Variants in ANKDD1B observed in about 807,000 individuals in gnomAD.
The protein encoded by ANKDD1B is ankyrin repeat and death domain-containing protein 1B.
ANKDD1B carries 57 observed loss-of-function variants against 59.7 expected under a neutral mutation model. The observed-to-expected ratio is 0.95, with a 90% CI of 0.77 to 1.19. The LOEUF (loss-of-function observed/expected upper bound fraction) is 1.19, where lower values mean the gene tolerates loss of function less well. Among genes scored for constraint, ANKDD1B ranks in the 50% most tolerant of loss-of-function variants. The probability of loss-of-function intolerance (pLI) is 0.00; values close to 1 mark genes in which losing one functional copy is unlikely to be tolerated. For missense variants in ANKDD1B, 602 were observed against 641.9 expected, an observed-to-expected ratio of 0.94 and a Z score of 0.67; for synonymous variants, 216 against 239.5, an observed-to-expected ratio of 0.90 and a Z score of 0.91.
chr5:75,669,353 C>G lies in ANKDD1B; in HGVS notation c.1495C>G (p.Leu499Val). 1 of 1,232,112 alleles carries G rather than the reference C, an allele frequency of 8.1e-7. No homozygotes were observed. Among genetic ancestry groups the G allele is most frequent in the Non-Finnish European group, 1.0e-6 (1 of 987,922 alleles). The allele number at this position is 1,232,112 out of a possible 1,614,324, so 76.3% of individuals were successfully genotyped here. ...CCCGGCCAAGCAACTGTATGAAGAG[C>G]TGGTACACGCAGGTTTCCCAAAACT... ...GDPAKQLYEE[L>V]VHAGFPKLAE... The change falls in exon 13 of 14, where the codon CTG becomes GTG. Residue 499 changes from leucine (L) to valine (V), a missense_variant. By Grantham distance (32) the Leu-to-Val change is conservative (BLOSUM62 1). Coordinates refer to ENST00000601380, the MANE Select transcript of ANKDD1B (RefSeq NM_001276713.2).
At chr5:75,670,079 T>A (rs906615204) in intron 13 of ANKDD1B, among the ~76,000 whole-genome samples, 4 of 152,168 alleles carry the variant, frequency 2.6e-5, no homozygotes, top group African/African-American at 7.2e-5. Context: ...CAGTAGTAGG[T>A]ACAAGGAACA....
intron 6 of ANKDD1B, 97 bp downstream of exon 6, chr5:75,635,093 G>T: frequency 2.6e-6 from 2 of 765,508 alleles, no homozygotes; most frequent in South Asian, 3.4e-5. Context: ...TGGTGAGGGC[G>T]TTTTAGTCAG....
At chr5:75,627,791 G>A (rs1273462670) in intron 5 of ANKDD1B, among the ~76,000 whole-genome samples, 1 of 152,206 alleles carries the variant, frequency 6.6e-6, no homozygotes, top group African/African-American at 2.4e-5. Context: ...GGAAGGATCA[G>A]GCAGGCTGAT....
intron 6 of ANKDD1B, chr5:75,635,227 T>C (rs1581139135): frequency 2.5e-6 from 1 of 393,666 alleles, no homozygotes; most frequent in East Asian, 4.2e-5. Flanking sequence ...GTGAAGTCGA[T>C]AGACCACATG....
At chr5:75,629,186 A>C (rs923269989) in intron 5 of ANKDD1B, among the ~76,000 whole-genome samples, 9 of 152,028 alleles carry the variant, frequency 5.9e-5, no homozygotes, top group Non-Finnish European at 1.2e-4. Flanking sequence ...CATCAAATCT[A>C]TTGTTTCCCA....
chr5:75,642,297 G>A (rs1050759880), intron 7 of ANKDD1B, among the ~76,000 whole-genome samples: 9 of 152,134 alleles, frequency 5.9e-5, no homozygotes, highest in Middle Eastern at 3.4e-3. Flanking sequence ...CGTGAGCGAC[G>A]CAGAAGACAG....
Position 75,635,818 on chromosome 5 carries a change from A to G in ANKDD1B, c.734A>G (p.His245Arg), listed in dbSNP as rs16872675. The change falls in exon 7 of 14, where the codon CAT (histidine) becomes CGT (arginine). Residue 245 changes from histidine to arginine, a missense_variant. His to Arg is a conservative substitution (Grantham distance 29). This residue lies in a region of ANKDD1B where 317 missense variants were observed against 304.6 expected (regional missense o/e 1.04). Coordinates refer to ENST00000601380, the MANE Select transcript of ANKDD1B (RefSeq NM_001276713.2). ...ACTGCCTTGCACCTCGCTGCGAAGC[A>G]TGGTCACAGTCCTGCAGTGCAGGTG... ...GNTALHLAAK[H>R]GHSPAVQVLL... The G allele has an allele frequency of 5.7e-3, 8,669 of 1,533,576 alleles. 357 individuals are homozygous for G. In the African/African-American group the frequency reaches 0.096, roughly 17 times the overall value. 95.0% of individuals were successfully genotyped at this position (1,533,576 alleles called of 1,614,324 possible). A position where few individuals can be genotyped will look rare whatever the true frequency, so the allele number is the denominator to read the frequency against.
chr5:75,654,428 G>A (rs1291037656), intron 8 of ANKDD1B, among the ~76,000 whole-genome samples: 4 of 152,192 alleles, frequency 2.6e-5, no homozygotes, highest in Non-Finnish European at 4.4e-5. Context: ...GGTTATTGAC[G>A]TGATTTTTGA....
intron 10 of ANKDD1B, 67 bp downstream of exon 10, chr5:75,659,448 C>A: frequency 9.1e-7 from 1 of 1,104,762 alleles, no homozygotes; most frequent in Non-Finnish European, 1.3e-6. Flanking sequence ...GGATGTCAGC[C>A]TTGAGCAGCG....
rs1489 is a variant in ANKDD1B, at chr5:75,611,509, C to T, written c.-126C>T. The T allele has an allele frequency of 0.031, 21,971 of 704,322 alleles. 789 individuals carry two copies. The highest frequency in any genetic ancestry group is 0.15 in the African/African-American group (7,854 of 54,128). The allele number at this position is 704,322 out of a possible 1,614,324, so 43.6% of individuals were successfully genotyped here. Reference sequence around the variant, plus strand: ...GACTCGATCCTGCGCTCCGGCCGGGCTGACCTGCCTGCGTCCAGCCCCCGC... The same window carrying T: ...GACTCGATCCTGCGCTCCGGCCGGGTTGACCTGCCTGCGTCCAGCCCCCGC... On this transcript the variant is annotated 5_prime_UTR_variant, in exon 1 of 14. Transcript: ENST00000601380.
chr5:75,632,106 C>CA (rs529570814), intron 5 of ANKDD1B, among the ~76,000 whole-genome samples: 6,037 of 76,630 alleles, frequency 0.079, 168 homozygotes, highest in Non-Finnish European at 0.11. Context: ...AACTCTGTCT[C>CA]AAAAAAAAAA....
chr5:75,656,154 G>A (rs749445368), intron 9 of ANKDD1B, 27 bp downstream of exon 9: 83 of 1,172,406 alleles, frequency 7.1e-5, no homozygotes, highest in Middle Eastern at 1.9e-4. Flanking sequence ...AGAGCCTGGA[G>A]GGTCTCTTTT....
chr5:75,661,425 A>G (rs63700463), intron 10 of ANKDD1B, among the ~76,000 whole-genome samples: 1 of 126,060 alleles, frequency 7.9e-6, no homozygotes, highest in African/African-American at 2.9e-5. Context: ...AAAAAAAAAA[A>G]GTAACACAGG....
chr5:75,667,746 A>G (rs1310901848), intron 12 of ANKDD1B, among the ~76,000 whole-genome samples: 3 of 152,190 alleles, frequency 2.0e-5, no homozygotes, highest in Non-Finnish European at 2.9e-5. Context: ...TTCTTGGCAA[A>G]GTTTTCTATT....
chr5:75,614,564 T>C (rs1429814390), intron 1 of ANKDD1B, among the ~76,000 whole-genome samples: 1 of 152,198 alleles, frequency 6.6e-6, no homozygotes, highest in Non-Finnish European at 1.5e-5. Flanking sequence ...TACCACCATC[T>C]TGTAACCCCT....
At chr5:75,612,354 C>CCCCGCCCCCGCCCTCCGT (rs1773591862) in intron 1 of ANKDD1B, among the ~76,000 whole-genome samples, 1 of 136,806 alleles carries the variant, frequency 7.3e-6, no homozygotes, top group Non-Finnish European at 1.6e-5. Flanking sequence ...CCGCCCTCCG[C>CCCCGCCCCCGCCCTCCGT]CCCGCGTGTA....
intron 10 of ANKDD1B, among the ~76,000 whole-genome samples, chr5:75,662,216 A>G (rs1775174839): frequency 6.6e-6 from 1 of 152,098 alleles, no homozygotes; most frequent in African/African-American, 2.4e-5. Flanking sequence ...TAGTGATTCA[A>G]ATGGCTCTGC....
At chr5:75,635,742 C>G in intron 6 of ANKDD1B, 42 bp from the exon 7 acceptor site, 1 of 1,317,706 alleles carries the variant, frequency 7.6e-7, no homozygotes. Context: ...AGCATGCTCT[C>G]CTGGCACAGG....
intron 1 of ANKDD1B, among the ~76,000 whole-genome samples, chr5:75,614,331 TAGTC>T (rs1205692120): frequency 4.6e-5 from 7 of 152,218 alleles, no homozygotes; most frequent in East Asian, 1.9e-4. Context: ...TCTTTTGTAA[TAGTC>T]AGTAAGCATG....
Sources: allele counts gnomAD v4.1 joint callset (sites outside exome capture counted in the v4.1 genomes callset), GRCh38; gene constraint gnomAD v4.1.1; regional missense constraint gnomAD v4.1.1; transcripts MANE v1.5; gene names NCBI Gene and HGNC (gene_info 2026-07-23, HGNC 2026-07-21).